The following AVL9 variants were observed in gnomAD, a reference collection of about 807,000 sequenced individuals.
The protein encoded by AVL9 is late secretory pathway protein AVL9 homolog.
In AVL9, 49 loss-of-function variants were observed where a neutral mutation model predicts 79.2. The observed-to-expected ratio is 0.62, with a 90% confidence interval of 0.49 to 0.79. The LOEUF (loss-of-function observed/expected upper bound fraction) is 0.79. Among genes scored for constraint, AVL9 ranks in the 30% least tolerant of loss-of-function variants. AVL9 has a pLI of 0.00. For missense variants in AVL9, 682 were observed against 776.8 expected (o/e 0.88, Z 1.45); for synonymous variants, 299 against 280.6 (o/e 1.07, Z -0.65).
intron 8 of AVL9, among the ~76,000 whole-genome samples, chr7:32,556,612 T>C (rs960011051): frequency 6.6e-6 from 1 of 152,128 alleles, no homozygotes; most frequent in Non-Finnish European, 1.5e-5. Flanking sequence ...ATTAGTGTGG[T>C]ATTTCAAAAA....
chr7:32,556,025 T>C (rs1385520708), intron 8 of AVL9, among the ~76,000 whole-genome samples: 1 of 152,174 alleles, frequency 6.6e-6, no homozygotes, highest in Non-Finnish European at 1.5e-5. Flanking sequence ...GTTTTTATTG[T>C]TTTAAAGATT....
At chr7:32,569,886 G>A (rs2128148054) in intron 10 of AVL9, 134 bp from the exon 11 acceptor site, 1 of 780,004 alleles carries the variant, frequency 1.3e-6, no homozygotes, top group Non-Finnish European at 2.0e-6. Flanking sequence ...ATTTTATTGA[G>A]TCAAAGATTA....
chr7:32,527,140 A>C (rs775237368), intron 1 of AVL9, among the ~76,000 whole-genome samples: 6 of 152,216 alleles, frequency 3.9e-5, no homozygotes, highest in Non-Finnish European at 8.8e-5. Context: ...ATGGGTACAA[A>C]GATGCCGAAA....
At chr7:32,548,140 A>ATCTC (rs1207730971) in intron 3 of AVL9, among the ~76,000 whole-genome samples, 3 of 72,692 alleles carry the variant, frequency 4.1e-5, no homozygotes, top group African/African-American at 1.6e-4. Context: ...TGTTTTTGTC[A>ATCTC]TCTCTTTTTT....
chr7:32,550,105 G>C (rs1279507039), intron 4 of AVL9, among the ~76,000 whole-genome samples: 1 of 152,092 alleles, frequency 6.6e-6, no homozygotes, highest in Non-Finnish European at 1.5e-5. Flanking sequence ...AAGAGTACCA[G>C]ATATTAAAGG....
chr7:32,496,733 C>T (rs1258310728), intron 1 of AVL9, among the ~76,000 whole-genome samples: 1 of 152,138 alleles, frequency 6.6e-6, no homozygotes, highest in African/African-American at 2.4e-5. Context: ...GGAAATGTAA[C>T]ATTTTAGAAG....
At chr7:32,513,682 G>C (rs1325064582) in intron 1 of AVL9, among the ~76,000 whole-genome samples, 1 of 152,230 alleles carries the variant, frequency 6.6e-6, no homozygotes, top group East Asian at 1.9e-4. Flanking sequence ...AAAGAAATAA[G>C]ACACGGAGAC....
chr7:32,546,709 G>C (rs534483723), intron 3 of AVL9, among the ~76,000 whole-genome samples: 1 of 152,210 alleles, frequency 6.6e-6, no homozygotes, highest in African/African-American at 2.4e-5. Flanking sequence ...TGTAGTCCCA[G>C]CTACTCGGGA....
chr7:32,529,291 T>C (rs1024582719), intron 1 of AVL9, among the ~76,000 whole-genome samples: 1 of 152,140 alleles, frequency 6.6e-6, no homozygotes, highest in Admixed American at 6.5e-5. Flanking sequence ...AAGTTACCTA[T>C]GGGGTTAAAA....
chr7:32,571,891 C>T (rs1038820497), intron 11 of AVL9, among the ~76,000 whole-genome samples: 6 of 151,804 alleles, frequency 4.0e-5, no homozygotes, highest in Non-Finnish European at 8.8e-5. Context: ...TGGCCGGGCA[C>T]AGTGGCTCAC....
intron 11 of AVL9, among the ~76,000 whole-genome samples, chr7:32,571,097 T>C (rs1790821188): frequency 6.7e-6 from 1 of 148,150 alleles, no homozygotes; most frequent in Non-Finnish European, 1.5e-5. Flanking sequence ...CCAGACATGG[T>C]GGTGCATGCC....
intron 4 of AVL9, among the ~76,000 whole-genome samples, chr7:32,551,052 G>A (rs1789792210): frequency 6.6e-6 from 1 of 152,130 alleles, no homozygotes; most frequent in Admixed American, 6.6e-5. Context: ...CAGAGGTGGA[G>A]AGGTTAAATT....
intron 1 of AVL9, chr7:32,534,234 T>C (rs771673341): frequency 5.9e-5 from 9 of 152,360 alleles, no homozygotes; most frequent in Admixed American, 3.9e-4. Flanking sequence ...AGTAATCTTG[T>C]AAATCTAAAA....
intron 12 of AVL9, among the ~76,000 whole-genome samples, 164 bp downstream of exon 12, chr7:32,573,582 A>G (rs947598415): frequency 1.3e-5 from 2 of 152,132 alleles, no homozygotes; most frequent in Non-Finnish European, 2.9e-5. Flanking sequence ...TTAGTACTTT[A>G]TAGCCTTGCA....
rs1301084434 is a variant in AVL9, at chr7:32,570,901, G to A, written c.1350+747G>A. ...CTCCCCAAGTGCTGGGATTACAGGC[G>A]TAAGCCACCGCGCCCAGCCTGAAAT... On this transcript the variant is annotated intron_variant, in intron 11 of 15. Coordinates refer to ENST00000318709, the MANE Select transcript of AVL9 (RefSeq NM_015060.3). 4.8e-5 allele frequency among the ~76,000 whole-genome samples: 7 copies of A among 146,984 alleles called. No homozygotes were observed. The South Asian group carries it at 6.7e-4, about 14-fold the overall frequency.
At chr7:32,529,848 C>T (rs1004066582) in intron 1 of AVL9, among the ~76,000 whole-genome samples, 9 of 152,108 alleles carry the variant, frequency 5.9e-5, no homozygotes, top group African/African-American at 2.2e-4. Flanking sequence ...CCTTATGCAC[C>T]CCTTCCTATC....
chr7:32,559,517 C>G, intron 10 of AVL9, 53 bp downstream of exon 10: 1 of 1,492,414 alleles, frequency 6.7e-7, no homozygotes, highest in Non-Finnish European at 8.9e-7. Context: ...AAAATCCTTT[C>G]GGAGTTTAAC....
chr7:32,531,089 AG>A (rs1274947299), intron 1 of AVL9, among the ~76,000 whole-genome samples: 1 of 152,250 alleles, frequency 6.6e-6, no homozygotes, highest in Non-Finnish European at 1.5e-5. Flanking sequence ...AATGAGGGGC[AG>A]GGACAATTAC....
intron 10 of AVL9, among the ~76,000 whole-genome samples, chr7:32,565,939 C>T (rs1438755748): frequency 3.4e-5 from 5 of 147,390 alleles, no homozygotes; most frequent in South Asian, 2.3e-4. Flanking sequence ...ACCCGGGAGG[C>T]GGAGGTTGCA....
Sources: gnomAD v4.1 joint callset for allele counts (sites outside exome capture counted in the v4.1 genomes callset) on GRCh38, gnomAD v4.1.1 for gene constraint, MANE v1.5 for transcripts, NCBI Gene and HGNC (gene_info 2026-07-23, HGNC 2026-07-21) for gene names.